Variants in WASHC3 observed in about 807,000 individuals in gnomAD.
WASHC3 encodes the protein WASH complex subunit 3, also known as WASH complex subunit CCDC53.
Under a neutral mutation model 26.1 loss-of-function variants are expected in WASHC3, and 24 were observed. The observed-to-expected ratio is 0.92, with a 90% CI of 0.66 to 1.29. The LOEUF is 1.29. Ranked by LOEUF, WASHC3 falls within the 50% of genes most tolerant of loss-of-function variation. The pLI is 0.00. For synonymous variants in WASHC3, 77 were observed against 75.7 expected, an observed-to-expected ratio of 1.02 and a Z score of -0.09; for missense variants, 214 against 229.6, an observed-to-expected ratio of 0.93 and a Z score of 0.44.
intron 2 of WASHC3, among the ~76,000 whole-genome samples, chr12:102,053,767 T>C (rs1364195786): frequency 6.6e-6 from 1 of 152,068 alleles, no homozygotes; most frequent in African/African-American, 2.4e-5. Flanking sequence ...ACAGAAATTT[T>C]AGAGCTGAAA....
intron 2 of WASHC3, among the ~76,000 whole-genome samples, chr12:102,053,877 A>T (rs573532621): frequency 1.1e-4 from 16 of 144,052 alleles, no homozygotes; most frequent in Non-Finnish European, 2.2e-4. Context: ...AACTATTAAA[A>T]ATAATAATAG....
intron 2 of WASHC3, among the ~76,000 whole-genome samples, chr12:102,055,958 G>A (rs1007126201): frequency 6.6e-6 from 1 of 152,030 alleles, no homozygotes; most frequent in African/African-American, 2.4e-5. Context: ...CTTAATCTTC[G>A]TTCACATACT....
chr12:102,043,744 G>C (rs186678273), intron 4 of WASHC3: 1 of 152,666 alleles, frequency 6.6e-6, no homozygotes, highest in Admixed American at 6.5e-5. Flanking sequence ...TGTGAAAACT[G>C]GTGAATCCAG....
intron 6 of WASHC3, among the ~76,000 whole-genome samples, chr12:102,025,365 C>T (rs1295859948): frequency 6.6e-6 from 1 of 151,952 alleles, no homozygotes; most frequent in African/African-American, 2.4e-5. Context: ...TTCTGAGCCA[C>T]AATTTTTTTT....
intron 5 of WASHC3, among the ~76,000 whole-genome samples, chr12:102,035,982 A>G (rs1254672349): frequency 6.6e-6 from 1 of 152,240 alleles, no homozygotes; most frequent in Admixed American, 6.5e-5. Flanking sequence ...ACATGCAATA[A>G]TAAAGAGAAA....
At chr12:102,043,729 G>A (rs987833828) in intron 4 of WASHC3, 1 of 152,406 alleles carries the variant, frequency 6.6e-6, no homozygotes, top group Non-Finnish European at 1.5e-5. Flanking sequence ...AATAGATGAA[G>A]CAATTGTGAA....
chr12:102,032,554 A>G (rs903035378), intron 5 of WASHC3, among the ~76,000 whole-genome samples: 3 of 152,180 alleles, frequency 2.0e-5, no homozygotes, highest in South Asian at 2.1e-4. Flanking sequence ...ACACAACAGT[A>G]TTACTCACTG....
At chr12:102,033,836 A>G (rs1877539335) in intron 5 of WASHC3, among the ~76,000 whole-genome samples, 1 of 151,960 alleles carries the variant, frequency 6.6e-6, no homozygotes. Context: ...TGTTTCTATA[A>G]GCTGTAGTCA....
At chr12:102,043,097 G>C (rs986183001) in intron 4 of WASHC3, among the ~76,000 whole-genome samples, 4 of 152,024 alleles carry the variant, frequency 2.6e-5, no homozygotes, top group Non-Finnish European at 5.9e-5. Context: ...AATTTTAAGA[G>C]CCTACAGATC....
chr12:102,043,417 T>C (rs1291550849), intron 4 of WASHC3, among the ~76,000 whole-genome samples: 2 of 151,890 alleles, frequency 1.3e-5, no homozygotes, highest in African/African-American at 4.8e-5. Context: ...CACAGGTGCG[T>C]GCCACCACAC....
upstream of WASHC3, chr12:102,062,051 C>T: frequency 8.7e-7 from 1 of 1,144,170 alleles, no homozygotes; most frequent in South Asian, 1.4e-5. Flanking sequence ...TCAACTTTCC[C>T]CCCAAGTGCC....
In WASHC3 at chr12:102,061,218, G is replaced by A. The variant is rs761037670; in HGVS notation, c.150+30C>T. Reference sequence around the variant, plus strand: ...CAGCAGTGAAAGGTGATTTCCAGGCGACTCTATAAACCAGTATCACCGGAC... The same window carrying A: ...CAGCAGTGAAAGGTGATTTCCAGGCAACTCTATAAACCAGTATCACCGGAC... On this transcript the variant is annotated intron_variant, in intron 2 of 6. Coordinates refer to ENST00000240079, the MANE Select transcript of WASHC3 (RefSeq NM_016053.4). 3.5e-6 allele frequency: 5 copies of A among 1,430,892 alleles called. No individual in the cohort carries two copies. The African/African-American group carries it at 4.2e-5, about 12-fold the overall frequency. The allele number at this position is 1,430,892 out of a possible 1,614,324, so 88.6% of individuals were successfully genotyped here.
At chr12:102,027,588 T>A (rs1877253488) in intron 5 of WASHC3, among the ~76,000 whole-genome samples, 1 of 152,144 alleles carries the variant, frequency 6.6e-6, no homozygotes, top group Non-Finnish European at 1.5e-5. Context: ...TGTAAAAAAA[T>A]TTAATTTTTA....
chr12:102,038,563 T>C (rs1191153820), intron 5 of WASHC3, among the ~76,000 whole-genome samples: 1 of 152,188 alleles, frequency 6.6e-6, no homozygotes, highest in Non-Finnish European at 1.5e-5. Flanking sequence ...TTTTAACAAG[T>C]CTATCTTTTA....
chr12:102,038,697 A>AT (rs761977331), intron 5 of WASHC3, among the ~76,000 whole-genome samples: 8 of 151,950 alleles, frequency 5.3e-5, no homozygotes, highest in Admixed American at 3.3e-4. Context: ...AGTCTGGTTT[A>AT]TTTTTTTCTA....
chr12:102,031,409 C>A (rs1877432969), intron 5 of WASHC3, among the ~76,000 whole-genome samples: 2 of 152,200 alleles, frequency 1.3e-5, no homozygotes, highest in South Asian at 4.1e-4. Flanking sequence ...TATCCCAACT[C>A]AAAGTTACTA....
intron 5 of WASHC3, among the ~76,000 whole-genome samples, chr12:102,036,547 T>G (rs1157256027): frequency 6.6e-6 from 1 of 152,026 alleles, no homozygotes; most frequent in African/African-American, 2.4e-5. Context: ...TTCTTGAAAA[T>G]CACCCCTAAA....
At chr12:102,061,715 T>C (rs1377227430) in intron 1 of WASHC3, among the ~76,000 whole-genome samples, 197 bp downstream of exon 1, 2 of 152,032 alleles carry the variant, frequency 1.3e-5, no homozygotes, top group East Asian at 3.9e-4. Flanking sequence ...ATGCACACCG[T>C]CTCCTTAATC....
rs1333148537 is a variant in WASHC3, at chr12:102,050,119, CT to C, written c.151-4001del. On this transcript the variant is annotated intron_variant, in intron 2 of 6. Coordinates refer to ENST00000240079, the MANE Select transcript of WASHC3 (RefSeq NM_016053.4). ...GATGAGCTCAGGAGTTCAAGACCAG[CT>C]TGGGCAACATAGGGAAACCCTGTCT... The C allele has an allele frequency of 9.9e-6, 3 of 304,430 alleles. No individual in the cohort carries two copies. In the East Asian group the frequency reaches 3.3e-4, roughly 34 times the overall value. 18.9% of individuals were successfully genotyped at this position (304,430 alleles called of 1,614,324 possible).
Sources: gnomAD v4.1 joint callset for allele counts (sites outside exome capture counted in the v4.1 genomes callset) on GRCh38, gnomAD v4.1.1 for gene constraint, MANE v1.5 for transcripts, NCBI Gene and HGNC (gene_info 2026-07-23, HGNC 2026-07-21) for gene names.